DMXL1: variants seen among roughly 807,000 people sequenced by gnomAD.
DMXL1 encodes the protein Dmx like 1.
Under a neutral mutation model 319.2 loss-of-function variants are expected in DMXL1, and 99 were observed. That is an observed-to-expected ratio of 0.31 (90% CI 0.26 to 0.37). DMXL1 has a LOEUF of 0.37. Among genes scored for constraint, DMXL1 ranks in the 10% least tolerant of loss-of-function variants. DMXL1 has a pLI of 1.00. For synonymous variants in DMXL1, 1,385 were observed against 1,235.2 expected (o/e 1.12, Z -2.54); for missense variants, 3,745 against 3,595.6 (o/e 1.04, Z -1.06).
Position 119,121,028 on chromosome 5 carries a change from A to G in DMXL1, c.991A>G (p.Thr331Ala), listed in dbSNP as rs770461600. 2.5e-6 allele frequency: 4 copies of G among 1,613,784 alleles called. No homozygotes were observed. Among genetic ancestry groups the G allele is most frequent in the South Asian group, 1.1e-5 (1 of 90,998 alleles). ...GAGATCACTTGCTCTTGTAGCACAT[A>G]CGGGATATCTACCACATCAGCAGGA... ...RRRSLALVAH[T>A]GYLPHQQDPH... The change falls in exon 9 of 44, where the codon ACG becomes GCG. Residue 331 changes from threonine to alanine, a missense_variant. Coordinates refer to ENST00000539542, the MANE Select transcript of DMXL1 (RefSeq NM_001290321.3).
intron 28 of DMXL1, among the ~76,000 whole-genome samples, chr5:119,181,879 G>A (rs1220639773): frequency 3.3e-5 from 5 of 152,256 alleles, no homozygotes; most frequent in Admixed American, 6.5e-5. Context: ...GGAAAGAAGC[G>A]AAGGTCCTGT....
At chr5:119,182,236 G>A (rs1005029476) in intron 28 of DMXL1, among the ~76,000 whole-genome samples, 4 of 152,134 alleles carry the variant, frequency 2.6e-5, no homozygotes, top group Non-Finnish European at 4.4e-5. Flanking sequence ...TAAAATTAAT[G>A]TGTATTTAAA....
chr5:119,108,317 A>G (rs1282392986), intron 4 of DMXL1, among the ~76,000 whole-genome samples: 1 of 152,160 alleles, frequency 6.6e-6, no homozygotes, highest in African/African-American at 2.4e-5. Flanking sequence ...TTTTGTATGG[A>G]TGATAGCACG....
At chr5:119,118,071 CT>C (rs1761232640) in intron 7 of DMXL1, among the ~76,000 whole-genome samples, 2 of 152,076 alleles carry the variant, frequency 1.3e-5, no homozygotes, top group South Asian at 4.1e-4. Context: ...GCTCTTGTTG[CT>C]TGTTGGACTT....
At chr5:119,151,420 A>T (rs1769768214) in intron 18 of DMXL1, among the ~76,000 whole-genome samples, 1 of 152,220 alleles carries the variant, frequency 6.6e-6, no homozygotes, top group Non-Finnish European at 1.5e-5. Flanking sequence ...GTTGGTTATG[A>T]ATCTTGACAC....
At chr5:119,190,298 G>A (rs1178461944) in intron 29 of DMXL1, among the ~76,000 whole-genome samples, 1 of 152,136 alleles carries the variant, frequency 6.6e-6, no homozygotes, top group Non-Finnish European at 1.5e-5. Context: ...AATTACCAGT[G>A]TTAAGTAACA....
chr5:119,183,641 T>C (rs1312994147), intron 28 of DMXL1, among the ~76,000 whole-genome samples: 1 of 151,816 alleles, frequency 6.6e-6, no homozygotes. Context: ...CCTGGCTAAT[T>C]TTTGTGTTTT....
intron 13 of DMXL1, among the ~76,000 whole-genome samples, chr5:119,136,238 G>A (rs1401654999): frequency 1.3e-5 from 2 of 152,194 alleles, no homozygotes; most frequent in African/African-American, 4.8e-5. Flanking sequence ...AGGTTATCTG[G>A]CAGAAGAAAT....
intron 34 of DMXL1, among the ~76,000 whole-genome samples, chr5:119,209,500 T>A (rs1031129468): frequency 6.6e-6 from 1 of 151,832 alleles, no homozygotes; most frequent in African/African-American, 2.4e-5. Context: ...CAGGCATGCA[T>A]CACCATGCCC....
At chr5:119,214,669 AT>A (rs1246209842) in intron 34 of DMXL1, among the ~76,000 whole-genome samples, 10 of 151,924 alleles carry the variant, frequency 6.6e-5, no homozygotes, top group African/African-American at 2.2e-4. Flanking sequence ...GGTTCAGAGT[AT>A]TTGTATTTAA....
Position 119,244,339 on chromosome 5 carries a change from T to G in DMXL1, c.8705-20T>G. 6.3e-7 allele frequency: 1 copy of G among 1,580,354 alleles called. No individual in the cohort carries two copies. Among genetic ancestry groups the G allele is most frequent in the Non-Finnish European group, 8.6e-7 (1 of 1,164,952 alleles). ...CTTTTATTGTTAAGTGTTTTTGTTT[T>G]TTTTTTAATTTACTTTCAGCATTTA... is the stretch of plus-strand genomic sequence containing the variant. On this transcript the variant is annotated intron_variant, in intron 42 of 43. Transcript: ENST00000539542.
intron 23 of DMXL1, among the ~76,000 whole-genome samples, chr5:119,168,744 G>C (rs2150249101): frequency 6.6e-6 from 1 of 151,776 alleles, no homozygotes; most frequent in Non-Finnish European, 1.5e-5. Context: ...ATTAGACACA[G>C]TATCTTGCTT....
intron 9 of DMXL1, among the ~76,000 whole-genome samples, chr5:119,125,266 A>G (rs1243979197): frequency 6.6e-6 from 1 of 152,146 alleles, no homozygotes; most frequent in Non-Finnish European, 1.5e-5. Context: ...TTTCTCTTCT[A>G]GTGAATTAGA....
intron 33 of DMXL1, among the ~76,000 whole-genome samples, chr5:119,204,915 C>A (rs1781490907): frequency 6.6e-6 from 1 of 152,122 alleles, no homozygotes; most frequent in African/African-American, 2.4e-5. Context: ...AACCTTTCTA[C>A]CTTAAAGGAA....
intron 15 of DMXL1, among the ~76,000 whole-genome samples, chr5:119,146,383 T>G (rs1329502177): frequency 6.6e-6 from 1 of 151,988 alleles, no homozygotes; most frequent in Non-Finnish European, 1.5e-5. Flanking sequence ...AGACAAATTT[T>G]CTTGAATGAT....
intron 28 of DMXL1, among the ~76,000 whole-genome samples, chr5:119,184,360 T>C (rs1435586558): frequency 2.0e-5 from 3 of 152,178 alleles, no homozygotes; most frequent in African/African-American, 4.8e-5. Context: ...CACCATGTCC[T>C]GCTTAATTCA....
intron 8 of DMXL1, among the ~76,000 whole-genome samples, chr5:119,120,617 G>C (rs965029699): frequency 1.3e-5 from 2 of 152,220 alleles, no homozygotes; most frequent in Non-Finnish European, 2.9e-5. Context: ...ACAAAAGACA[G>C]TGTATGTAGA....
intron 38 of DMXL1, among the ~76,000 whole-genome samples, chr5:119,228,710 C>T (rs1253350145): frequency 1.3e-5 from 2 of 151,836 alleles, no homozygotes; most frequent in Non-Finnish European, 2.9e-5. Context: ...AGAGTGAGGT[C>T]AAAAGTACTT....
chr5:119,079,476 C>A (rs929177290), intron 1 of DMXL1, among the ~76,000 whole-genome samples: 1 of 152,220 alleles, frequency 6.6e-6, no homozygotes, highest in Non-Finnish European at 1.5e-5. Flanking sequence ...AAACAGCCAA[C>A]CTGAAAATCC....
Sources: allele counts gnomAD v4.1 joint callset (sites outside exome capture counted in the v4.1 genomes callset), GRCh38; gene constraint gnomAD v4.1.1; transcripts MANE v1.5; gene names NCBI Gene and HGNC (gene_info 2026-07-23, HGNC 2026-07-21).